The following IQCM variants were observed in gnomAD, a reference collection of about 807,000 sequenced individuals.
IQCM encodes the protein IQ domain-containing protein M.
A neutral mutation model predicts 57.6 loss-of-function variants in IQCM; 45 were observed. That is an observed-to-expected ratio of 0.78 (90% confidence interval 0.62 to 1.00). The LOEUF (loss-of-function observed/expected upper bound fraction) is 1.00. Ranked by LOEUF, IQCM falls within the 50% of genes least tolerant of loss-of-function variation. The pLI, the probability that IQCM is intolerant of heterozygous loss-of-function variation, is 0.00. For synonymous variants in IQCM, 148 were observed against 158.9 expected, an observed-to-expected ratio of 0.93 and a Z score of 0.51; for missense variants, 468 against 511.6, an observed-to-expected ratio of 0.91 and a Z score of 0.82.
At chr4:149,397,204 C>A (rs1476529374) in intron 13 of IQCM, among the ~76,000 whole-genome samples, 1 of 151,940 alleles carries the variant, frequency 6.6e-6, no homozygotes, top group Non-Finnish European at 1.5e-5. Context: ...CTCCCCAACA[C>A]TTAACAACTT....
intron 5 of IQCM, among the ~76,000 whole-genome samples, chr4:149,701,409 G>C (rs1763760336): frequency 1.3e-5 from 2 of 152,002 alleles, no homozygotes; most frequent in South Asian, 4.1e-4. Flanking sequence ...ATGGGACGAG[G>C]TGTAATTACT....
At chr4:149,405,842 TATATATATG>T (rs1304554874) in intron 13 of IQCM, among the ~76,000 whole-genome samples, 1 of 147,014 alleles carries the variant, frequency 6.8e-6, no homozygotes, top group Non-Finnish European at 1.5e-5. Context: ...TATATATATA[TATATATATG>T]CTCCAGATAT....
intron 10 of IQCM, among the ~76,000 whole-genome samples, chr4:149,555,457 A>G (rs1223956362): frequency 1.3e-5 from 2 of 152,194 alleles, no homozygotes; most frequent in Non-Finnish European, 2.9e-5. Context: ...ACAGTGGGAA[A>G]TCTATTTGTG....
chr4:149,731,568 G>C (rs969011778), intron 5 of IQCM, among the ~76,000 whole-genome samples: 2 of 152,142 alleles, frequency 1.3e-5, no homozygotes, highest in Non-Finnish European at 2.9e-5. Context: ...CAGTCTAGAA[G>C]CCTCAATATC....
chr4:149,396,226 T>G (rs927911686), intron 13 of IQCM, among the ~76,000 whole-genome samples: 18 of 151,936 alleles, frequency 1.2e-4, no homozygotes, highest in Admixed American at 1.2e-3. Context: ...GTTATAGTTG[T>G]CCCCCAAATG....
chr4:149,724,782 T>C (rs932324855), intron 5 of IQCM, among the ~76,000 whole-genome samples: 1 of 152,086 alleles, frequency 6.6e-6, no homozygotes, highest in African/African-American at 2.4e-5. Flanking sequence ...GCAAATTATA[T>C]ATTATATAGT....
chr4:149,608,475 A>C (rs1187311069), intron 8 of IQCM, among the ~76,000 whole-genome samples: 3 of 151,876 alleles, frequency 2.0e-5, no homozygotes, highest in East Asian at 3.9e-4. Flanking sequence ...TCTTCTCCTC[A>C]ACACATGGAA....
At chr4:149,600,417 A>T (rs1188079944) in intron 8 of IQCM, among the ~76,000 whole-genome samples, 1 of 152,200 alleles carries the variant, frequency 6.6e-6, no homozygotes, top group African/African-American at 2.4e-5. Flanking sequence ...ATATACCAAA[A>T]TTCAGAAAGT....
At chr4:149,588,445 A>T (rs1752835427) in intron 8 of IQCM, among the ~76,000 whole-genome samples, 1 of 151,888 alleles carries the variant, frequency 6.6e-6, no homozygotes, top group Non-Finnish European at 1.5e-5. Context: ...GCTCTCAAAA[A>T]CCTAACTATT....
intron 7 of IQCM, among the ~76,000 whole-genome samples, chr4:149,630,695 C>A (rs1757190518): frequency 6.6e-6 from 1 of 152,210 alleles, no homozygotes; most frequent in Non-Finnish European, 1.5e-5. Flanking sequence ...AATTTGAAGA[C>A]TTTTAGGAAA....
chr4:149,447,736 C>T (rs936706573), intron 12 of IQCM, among the ~76,000 whole-genome samples: 3 of 151,352 alleles, frequency 2.0e-5, no homozygotes, highest in Non-Finnish European at 3.0e-5. Context: ...AAATAATGAC[C>T]AATTTTCCAA....
At chr4:149,359,755 CACA>C (rs1729342095) in intron 13 of IQCM, among the ~76,000 whole-genome samples, 1 of 152,062 alleles carries the variant, frequency 6.6e-6, no homozygotes, top group Non-Finnish European at 1.5e-5. Flanking sequence ...ATGCAAATTC[CACA>C]ACTTATTCAA....
At chr4:149,434,679 C>T (rs1378187925) in intron 12 of IQCM, among the ~76,000 whole-genome samples, 1 of 152,050 alleles carries the variant, frequency 6.6e-6, no homozygotes, top group Non-Finnish European at 1.5e-5. Flanking sequence ...CTTTACTGTC[C>T]TGCTTGTGAG....
intron 12 of IQCM, among the ~76,000 whole-genome samples, chr4:149,447,642 G>C (rs187441837): frequency 6.6e-6 from 1 of 151,678 alleles, no homozygotes; most frequent in East Asian, 1.9e-4. Context: ...TCAGTGAGCT[G>C]TGGAACCAAC....
chr4:149,657,404 C>T (rs551287932), intron 7 of IQCM, among the ~76,000 whole-genome samples: 1 of 152,180 alleles, frequency 6.6e-6, no homozygotes. Context: ...TTTTGTCTAC[C>T]ATTCATCCAT....
intron 13 of IQCM, among the ~76,000 whole-genome samples, chr4:149,407,171 C>A (rs1035492565): frequency 1.3e-5 from 2 of 152,074 alleles, no homozygotes; most frequent in African/African-American, 4.8e-5. Flanking sequence ...TATCCCCCCC[C>A]AGGTCCCTCC....
intron 7 of IQCM, among the ~76,000 whole-genome samples, chr4:149,675,646 C>A (rs986190567): frequency 6.6e-6 from 1 of 151,694 alleles, no homozygotes; most frequent in Non-Finnish European, 1.5e-5. Context: ...TCGCAGGTAC[C>A]CTGGAAGTCC....
intron 13 of IQCM, among the ~76,000 whole-genome samples, chr4:149,368,810 A>ATATATATACATATATATACACGTG (rs1730055433): frequency 1.0e-5 from 1 of 96,594 alleles, no homozygotes; most frequent in Non-Finnish European, 2.0e-5. Context: ...ATATACATGT[A>ATATATATACATATATATACACGTG]TATATATACA....
chr4:149,765,908 C>T (rs754603892), intron 2 of IQCM, among the ~76,000 whole-genome samples: 2 of 151,966 alleles, frequency 1.3e-5, no homozygotes, highest in Non-Finnish European at 2.9e-5. Context: ...GAAACTGACT[C>T]GCACCCAAGA....
Sources: gnomAD v4.1 joint callset for allele counts (sites outside exome capture counted in the v4.1 genomes callset) on GRCh38, gnomAD v4.1.1 for gene constraint, MANE v1.5 for transcripts, NCBI Gene and HGNC (gene_info 2026-07-23, HGNC 2026-07-21) for gene names.